Variants in VWA3B observed in about 807,000 individuals in gnomAD.
VWA3B encodes von Willebrand factor A domain-containing protein 3B.
In VWA3B, 138 loss-of-function variants were observed where a neutral mutation model predicts 158.3. That is an observed-to-expected ratio of 0.87 (90% CI 0.76 to 1.00). The LOEUF (loss-of-function observed/expected upper bound fraction) is 1.00. Among genes scored for constraint, VWA3B ranks in the 50% least tolerant of loss-of-function variants. The pLI is 0.00. For missense variants in VWA3B, 1,555 were observed against 1,565.1 expected (o/e 0.99, Z 0.11); for synonymous variants, 596 against 587.3 (o/e 1.01, Z -0.21).
At chr2:98,242,042 A>T (rs1686103765) in intron 19 of VWA3B, among the ~76,000 whole-genome samples, 2 of 152,198 alleles carry the variant, frequency 1.3e-5, no homozygotes, top group Non-Finnish European at 2.9e-5. Context: ...GAAAAAGCAG[A>T]CAAAAAGTAG....
intron 10 of VWA3B, among the ~76,000 whole-genome samples, chr2:98,191,906 T>A (rs1486832075): frequency 2.6e-5 from 4 of 152,214 alleles, no homozygotes; most frequent in Admixed American, 2.6e-4. Flanking sequence ...ATTCAAATAT[T>A]TTTTCCATAC....
At chr2:98,163,007 A>C in intron 8 of VWA3B, 31 bp downstream of exon 8, 1 of 1,611,572 alleles carries the variant, frequency 6.2e-7, no homozygotes, top group Middle Eastern at 1.7e-4. Context: ...CTGGTGTAAA[A>C]GATTCATAAA....
intron 2 of VWA3B, among the ~76,000 whole-genome samples, chr2:98,114,674 G>A (rs543927607): frequency 3.9e-5 from 6 of 152,238 alleles, no homozygotes; most frequent in East Asian, 1.9e-4. Flanking sequence ...ATAATCATCC[G>A]ATAAAAAACA....
rs183034517 is a variant in VWA3B at position 98,225,220 on chromosome 2, C to T, written c.2020-2982C>T. ...ATGTGCTGGGGTTACAGGCATGAGCCGCCCCACCTGGCTACTTGTTTTTGT... is the reference window on the plus strand; with the variant it reads ...ATGTGCTGGGGTTACAGGCATGAGCTGCCCCACCTGGCTACTTGTTTTTGT... On this transcript the variant is annotated intron_variant, in intron 14 of 27. Transcript: ENST00000477737. Among the ~76,000 whole-genome samples the T allele has an allele frequency of 9.2e-5, 14 of 152,288 alleles. No homozygotes were observed. In the East Asian group the frequency reaches 2.1e-3, roughly 23 times the overall value.
At chr2:98,215,706 C>T (rs1683929594) in intron 13 of VWA3B, among the ~76,000 whole-genome samples, 1 of 151,812 alleles carries the variant, frequency 6.6e-6, no homozygotes, top group African/African-American at 2.4e-5. Flanking sequence ...TTGGTAAAGA[C>T]GGGGTTTCAC....
chr2:98,127,714 C>T (rs1675493452), intron 5 of VWA3B, among the ~76,000 whole-genome samples: 1 of 151,940 alleles, frequency 6.6e-6, no homozygotes, highest in South Asian at 2.1e-4. Flanking sequence ...CAGCTGTGCA[C>T]AGTCAGGACA....
chr2:98,318,908 C>A, the VWA3B span, among the ~76,000 whole-genome samples: 1 of 152,192 alleles, frequency 6.6e-6, no homozygotes, highest in Admixed American at 6.5e-5. Flanking sequence ...ATACCAAAAT[C>A]TGAGAATGCT....
chr2:98,312,225 CCG>C lies in VWA3B; in HGVS notation c.3762_3763del (p.Gly1255AlafsTer37). ...ACAGCCCACCTCCACTTCCCCGCGG[CCG>C]GGCGTCTAGGACTCAGCAGCCACGC... On this transcript the variant is annotated frameshift_variant, in exon 28 of 28. Transcript: ENST00000477737. LOFTEE classifies it low-confidence loss of function (END_TRUNC). 2 of 1,614,194 alleles carry C rather than the reference CCG, an allele frequency of 1.2e-6. No individual in the cohort carries two copies. The highest frequency in any genetic ancestry group is 1.7e-6 in the Non-Finnish European group (2 of 1,180,038).
chr2:98,222,143 C>T (rs534672096), intron 14 of VWA3B, among the ~76,000 whole-genome samples: 10 of 152,212 alleles, frequency 6.6e-5, no homozygotes, highest in Middle Eastern at 3.4e-3. Flanking sequence ...CGTTCAGCAT[C>T]GACGAGACTG....
At chr2:98,093,407 C>A (rs928323913) in intron 2 of VWA3B, 119 bp downstream of exon 2, 5 of 991,706 alleles carry the variant, frequency 5.0e-6, no homozygotes, top group African/African-American at 1.6e-5. Flanking sequence ...GATCTTATAT[C>A]CCTATCAGTA....
chr2:98,111,853 T>C (rs916163130), intron 2 of VWA3B, among the ~76,000 whole-genome samples: 50 of 152,106 alleles, frequency 3.3e-4, no homozygotes, highest in Middle Eastern at 3.2e-3. Flanking sequence ...AATATTTTCT[T>C]TTACTTTATA....
At chr2:98,199,102 T>A (rs1040794298) in intron 12 of VWA3B, among the ~76,000 whole-genome samples, 1 of 136,554 alleles carries the variant, frequency 7.3e-6, no homozygotes, top group African/African-American at 2.8e-5. Flanking sequence ...AAAAAAAAAA[T>A]TGAGTTTCTG....
Position 98,115,747 on chromosome 2 carries a change from G to A in VWA3B, c.291+1G>A, listed in dbSNP as rs775844593. 5.3e-5 allele frequency: 86 copies of A among 1,610,962 alleles called. No individual in the cohort carries two copies. Among genetic ancestry groups the A allele is most frequent in the Non-Finnish European group, 7.0e-5 (83 of 1,178,480 alleles). ...AGCAGAAGATGGCAGAGTATACAAT[G>A]TAAGTCAGAGTTCCCTCAATGCGCA... On this transcript the variant is annotated splice_donor_variant, in intron 3 of 27. Transcript: ENST00000477737. LOFTEE classifies it high-confidence loss of function.
At chr2:98,203,691 G>T (rs1375247027) in intron 12 of VWA3B, among the ~76,000 whole-genome samples, 1 of 152,152 alleles carries the variant, frequency 6.6e-6, no homozygotes, top group East Asian at 1.9e-4. Context: ...AATTGTAAGT[G>T]GTATTGCACT....
At position 98,108,620 on chromosome 2, in the gene VWA3B, A is replaced by G. The variant is rs545915772; in HGVS notation, c.197-7032A>G. Among the ~76,000 whole-genome samples, 12 of 152,222 alleles carry G rather than the reference A, an allele frequency of 7.9e-5. No individual in the cohort carries two copies. The South Asian group carries it at 2.5e-3, about 32-fold the overall frequency. On this transcript the variant is annotated intron_variant, in intron 2 of 27. Transcript: ENST00000477737. ...ATAATGTCCTGCTCTGTCCCCAGTA[A>G]TATTCTTTGCTATGAAGTTTATTTT... is the stretch of plus-strand genomic sequence containing the variant.
intron 17 of VWA3B, 147 bp downstream of exon 17, chr2:98,234,914 A>C (rs1013099649): frequency 4.0e-6 from 5 of 1,263,818 alleles, no homozygotes; most frequent in Admixed American, 5.3e-5. Context: ...CTTGTAAGTC[A>C]GGTCTGCCTG....
At chr2:98,166,286 G>C (rs1387908491) in intron 8 of VWA3B, among the ~76,000 whole-genome samples, 2 of 152,184 alleles carry the variant, frequency 1.3e-5, no homozygotes, top group Non-Finnish European at 2.9e-5. Context: ...GCAGTGAGCA[G>C]AGATTGCCCC....
chr2:98,159,717 C>T (rs779734906), intron 7 of VWA3B, among the ~76,000 whole-genome samples: 1 of 151,902 alleles, frequency 6.6e-6, no homozygotes, highest in Non-Finnish European at 1.5e-5. Flanking sequence ...CCTTGACAGT[C>T]AAGATACATA....
intron 5 of VWA3B, among the ~76,000 whole-genome samples, chr2:98,121,675 G>A (rs1674978306): frequency 6.6e-6 from 1 of 152,148 alleles, no homozygotes; most frequent in African/African-American, 2.4e-5. Context: ...GGCTCCCTCT[G>A]TGGGGTGACT....
Sources: gnomAD v4.1 joint callset for allele counts (sites outside exome capture counted in the v4.1 genomes callset) on GRCh38, gnomAD v4.1.1 for gene constraint, MANE v1.5 for transcripts, NCBI Gene and HGNC (gene_info 2026-07-23, HGNC 2026-07-21) for gene names.